The following TMTC2 variants were observed in gnomAD, a reference collection of about 807,000 sequenced individuals.
TMTC2 encodes protein O-mannosyl-transferase TMTC2.
In TMTC2, 43 loss-of-function variants were observed where a neutral mutation model predicts 82.4. That is an observed-to-expected ratio of 0.52 (90% confidence interval 0.41 to 0.67). The LOEUF (loss-of-function observed/expected upper bound fraction) is 0.67, where lower values mean the gene tolerates loss of function less well. TMTC2 is among the 30% of genes least tolerant of loss of function. The probability of loss-of-function intolerance (pLI) is 0.00; values close to 1 mark genes in which losing one functional copy is unlikely to be tolerated. For synonymous variants in TMTC2, 408 were observed against 381.9 expected (o/e 1.07, Z -0.80); for missense variants, 919 against 1,012.4 (o/e 0.91, Z 1.25).
At position 82,965,552 on chromosome 12, in the gene TMTC2, C is replaced by T. The variant is rs1268984182; in HGVS notation, c.1685-8C>T. The stretch of plus-strand genomic sequence containing the variant: ...TCTCACACTTTTGTTTCCACTTTTC[C>T]CCCTCAGCTGCATATTTAAATACCG... On this transcript the variant is annotated splice_polypyrimidine_tract_variant and splice_region_variant and intron_variant, in intron 5 of 11. Coordinates refer to ENST00000321196, the MANE Select transcript of TMTC2 (RefSeq NM_152588.3). The T allele has an allele frequency of 1.2e-6, 2 of 1,612,180 alleles. No individual in the cohort carries two copies. The highest frequency in any genetic ancestry group is 1.7e-6 in the Non-Finnish European group (2 of 1,178,992).
At chr12:82,709,705 A>T (rs1277917553) in intron 1 of TMTC2, among the ~76,000 whole-genome samples, 1 of 152,216 alleles carries the variant, frequency 6.6e-6, no homozygotes, top group Non-Finnish European at 1.5e-5. Context: ...AAACAAAAAA[A>T]GCTAAGAGAG....
intron 1 of TMTC2, among the ~76,000 whole-genome samples, chr12:82,848,965 C>T (rs1265007445): frequency 2.6e-5 from 4 of 152,018 alleles, no homozygotes; most frequent in South Asian, 2.1e-4. Context: ...ATGGTTTGAG[C>T]GGCAGCATAG....
intron 1 of TMTC2, among the ~76,000 whole-genome samples, chr12:82,808,596 C>T (rs1406731329): frequency 2.8e-4 from 43 of 152,006 alleles, no homozygotes; most frequent in Non-Finnish European, 4.4e-5. Context: ...ATTATTCAGA[C>T]ATATATTGGT....
intron 8 of TMTC2, 46 bp from the exon 9 acceptor site, chr12:83,030,752 C>A (rs376002531): frequency 1.2e-4 from 173 of 1,415,786 alleles, no homozygotes; most frequent in African/African-American, 1.2e-3. Context: ...AGTGAAGAAT[C>A]CCTCATGATC....
intron 2 of TMTC2, among the ~76,000 whole-genome samples, chr12:82,885,876 G>A (rs1379146181): frequency 6.6e-6 from 1 of 152,102 alleles, no homozygotes; most frequent in African/African-American, 2.4e-5. Context: ...GTGCCTTTTG[G>A]AAGGAAGTCA....
chr12:82,742,521 CT>C (rs369523726), intron 1 of TMTC2, among the ~76,000 whole-genome samples: 12,543 of 140,328 alleles, frequency 0.089, 483 homozygotes, highest in South Asian at 0.12. Flanking sequence ...CCTGTATATT[CT>C]TTTTTTTTTT....
chr12:82,719,208 C>T (rs1874071969), intron 1 of TMTC2, among the ~76,000 whole-genome samples: 1 of 148,982 alleles, frequency 6.7e-6, no homozygotes, highest in South Asian at 2.1e-4. Flanking sequence ...ATTCTCTTGC[C>T]TCAACCTCCC....
At chr12:82,693,804 C>T (rs961659647) in intron 1 of TMTC2, among the ~76,000 whole-genome samples, 1 of 151,862 alleles carries the variant, frequency 6.6e-6, no homozygotes, top group African/African-American at 2.4e-5. Context: ...CTCGTCTCTA[C>T]TAAAAATATA....
At chr12:82,771,306 C>A (rs1247682122) in intron 1 of TMTC2, among the ~76,000 whole-genome samples, 5 of 151,910 alleles carry the variant, frequency 3.3e-5, no homozygotes, top group South Asian at 2.1e-4. Flanking sequence ...CAGTATCTTA[C>A]CAGAAAGCAT....
intron 1 of TMTC2, among the ~76,000 whole-genome samples, chr12:82,713,671 C>T (rs567367501): frequency 6.6e-6 from 1 of 152,222 alleles, no homozygotes; most frequent in Non-Finnish European, 1.5e-5. Context: ...TTACCTCCCA[C>T]TGGGTCCCTC....
intron 1 of TMTC2, among the ~76,000 whole-genome samples, chr12:82,786,580 A>G (rs1878185026): frequency 6.6e-6 from 1 of 152,170 alleles, no homozygotes; most frequent in South Asian, 2.1e-4. Context: ...AAAAATGAGC[A>G]TCTGCCATTA....
At chr12:83,050,566 C>A (rs1882308112) in intron 9 of TMTC2, among the ~76,000 whole-genome samples, 1 of 152,100 alleles carries the variant, frequency 6.6e-6, no homozygotes, top group South Asian at 2.1e-4. Flanking sequence ...CCTGTTTGTA[C>A]ATATGCGTCA....
At position 83,109,121 on chromosome 12, in the gene TMTC2, A is replaced by G. The variant is rs549618543; in HGVS notation, c.2332-23089A>G. On this transcript the variant is annotated intron_variant, in intron 11 of 11. Coordinates refer to ENST00000321196, the MANE Select transcript of TMTC2 (RefSeq NM_152588.3). ...GTTCCTTGTGCATTACTAGAAAGAA[A>G]TACCTGAGATTGGGTAATTTATAAA... Among the ~76,000 whole-genome samples, 12 of 152,316 alleles carry G rather than the reference A, an allele frequency of 7.9e-5. No individual in the cohort carries two copies. In the East Asian group the frequency reaches 2.1e-3, roughly 27 times the overall value.
intron 11 of TMTC2, among the ~76,000 whole-genome samples, chr12:83,096,386 G>A (rs538379814): frequency 1.3e-5 from 2 of 152,276 alleles, no homozygotes; most frequent in South Asian, 2.1e-4. Context: ...TCACTCATCA[G>A]TGTGGTTTTC....
At chr12:82,731,388 A>G (rs570329431) in intron 1 of TMTC2, among the ~76,000 whole-genome samples, 7 of 152,358 alleles carry the variant, frequency 4.6e-5, no homozygotes, top group African/African-American at 1.7e-4. Flanking sequence ...TTTTAAAGAA[A>G]GAAAATTATA....
chr12:83,045,358 T>C (rs549565473), intron 9 of TMTC2, among the ~76,000 whole-genome samples: 28 of 152,252 alleles, frequency 1.8e-4, no homozygotes, highest in Non-Finnish European at 2.4e-4. Flanking sequence ...ACCAAAGAAA[T>C]GAAGTGTAGT....
chr12:83,117,372 C>T (rs1445554980), intron 11 of TMTC2, among the ~76,000 whole-genome samples: 3 of 152,174 alleles, frequency 2.0e-5, no homozygotes, highest in South Asian at 2.1e-4. Flanking sequence ...AAATCCTTAA[C>T]AAAATACTAG....
intron 1 of TMTC2, among the ~76,000 whole-genome samples, chr12:82,810,532 A>G (rs1565760199): frequency 6.6e-6 from 1 of 152,048 alleles, no homozygotes; most frequent in Non-Finnish European, 1.5e-5. Flanking sequence ...GGTCTGTAAG[A>G]TCCTCTTTCA....
chr12:82,965,460 G>C, intron 5 of TMTC2, 100 bp from the exon 6 acceptor site: 1 of 1,283,082 alleles, frequency 7.8e-7, no homozygotes, highest in Non-Finnish European at 1.1e-6. Context: ...CTTTTTTAAT[G>C]AGCACTAAAC....
Sources: allele counts gnomAD v4.1 joint callset (sites outside exome capture counted in the v4.1 genomes callset), GRCh38; gene constraint gnomAD v4.1.1; transcripts MANE v1.5; gene names NCBI Gene and HGNC (gene_info 2026-07-23, HGNC 2026-07-21).